The following TRPM3 variants were observed in gnomAD, a reference collection of about 807,000 sequenced individuals.
TRPM3 encodes long transient receptor potential channel 3.
TRPM3 carries 77 observed loss-of-function variants against 181.2 expected under a neutral mutation model. That is an observed-to-expected ratio of 0.42 (90% CI 0.35 to 0.51). The LOEUF (loss-of-function observed/expected upper bound fraction) is 0.51. Ranked by LOEUF, TRPM3 falls within the 20% of genes least tolerant of loss-of-function variation. TRPM3 has a pLI of 0.01. For missense variants in TRPM3, 1,759 were observed against 2,196.7 expected, an observed-to-expected ratio of 0.80 and a Z score of 3.98; for synonymous variants, 745 against 796.4, an observed-to-expected ratio of 0.94 and a Z score of 1.09.
At chr9:71,137,220 C>T (rs184998784) in intron 1 of TRPM3, among the ~76,000 whole-genome samples, 9 of 151,944 alleles carry the variant, frequency 5.9e-5, no homozygotes, top group East Asian at 3.9e-4. Context: ...CACACAAAAC[C>T]GACAAAGAAA....
At chr9:71,157,787 T>C (rs963597567) in intron 1 of TRPM3, among the ~76,000 whole-genome samples, 2 of 152,102 alleles carry the variant, frequency 1.3e-5, no homozygotes, top group South Asian at 2.1e-4. Context: ...ATAAAAGAAA[T>C]TGAGTTAAAG....
chr9:70,996,108 G>T (rs1056385444), intron 1 of TRPM3, among the ~76,000 whole-genome samples: 1 of 152,150 alleles, frequency 6.6e-6, no homozygotes, highest in Non-Finnish European at 1.5e-5. Context: ...GGTACTATGT[G>T]GTTGAAATAA....
chr9:71,328,421 C>T (rs1284831100), intron 1 of TRPM3, among the ~76,000 whole-genome samples: 1 of 152,194 alleles, frequency 6.6e-6, no homozygotes, highest in Non-Finnish European at 1.5e-5. Flanking sequence ...CCGCCTCGGC[C>T]TCCCAAAGTG....
At chr9:71,399,360 T>C (rs1392061271) in intron 1 of TRPM3, among the ~76,000 whole-genome samples, 1 of 152,018 alleles carries the variant, frequency 6.6e-6, no homozygotes, top group African/African-American at 2.4e-5. Context: ...AGAAATAAAC[T>C]ACATAGAAAA....
intron 1 of TRPM3, among the ~76,000 whole-genome samples, chr9:71,077,264 C>A (rs1196374415): frequency 6.7e-6 from 1 of 148,166 alleles, no homozygotes; most frequent in African/African-American, 2.4e-5. Flanking sequence ...AGAAGTACTT[C>A]TAGGTTTGGA....
At chr9:70,976,334 C>T (rs983955085) in intron 1 of TRPM3, among the ~76,000 whole-genome samples, 1 of 152,202 alleles carries the variant, frequency 6.6e-6, no homozygotes, top group Non-Finnish European at 1.5e-5. Flanking sequence ...CAGAAGGTCA[C>T]ACAGCTAGTG....
chr9:71,078,470 T>C (rs1215334182), intron 1 of TRPM3, among the ~76,000 whole-genome samples: 2 of 152,184 alleles, frequency 1.3e-5, no homozygotes, highest in Non-Finnish European at 2.9e-5. Flanking sequence ...TTATTGGTGA[T>C]GAGATGTTAA....
intron 1 of TRPM3, among the ~76,000 whole-genome samples, chr9:71,402,429 C>T (rs1049248614): frequency 6.6e-6 from 1 of 152,142 alleles, no homozygotes; most frequent in African/African-American, 2.4e-5. Flanking sequence ...AGTCTCCTCC[C>T]TACTCAGCTA....
intron 5 of TRPM3, among the ~76,000 whole-genome samples, chr9:70,834,450 C>T (rs763748694): frequency 6.6e-6 from 1 of 152,100 alleles, no homozygotes; most frequent in Non-Finnish European, 1.5e-5. Context: ...TAGAAATCAC[C>T]ATGTATGAGT....
At chr9:71,093,759 A>G (rs2066640542) in intron 1 of TRPM3, among the ~76,000 whole-genome samples, 2 of 152,188 alleles carry the variant, frequency 1.3e-5, no homozygotes, top group South Asian at 2.1e-4. Flanking sequence ...AGCATTATAA[A>G]TCATTCTACT....
At chr9:71,280,502 G>A (rs11142774) in intron 1 of TRPM3, among the ~76,000 whole-genome samples, 42,433 of 151,478 alleles carry the variant, frequency 0.28, 7,114 homozygotes, top group African/African-American at 0.47. Flanking sequence ...CAACAGCAAG[G>A]GGCCATCTCA....
chr9:70,615,869 A>G (rs1249425095), intron 18 of TRPM3, 39 bp downstream of exon 18: 1 of 1,563,066 alleles, frequency 6.4e-7, no homozygotes, highest in South Asian at 1.3e-5. Flanking sequence ...TGGATTAGGA[A>G]TTCTGCCCAT....
At chr9:70,809,888 A>T in intron 6 of TRPM3, 1 of 512,642 alleles carries the variant, frequency 2.0e-6, no homozygotes. Flanking sequence ...CATCTCTCTT[A>T]TGGGACAGTT....
intron 1 of TRPM3, among the ~76,000 whole-genome samples, chr9:71,369,076 A>T (rs1259958274): frequency 1.3e-5 from 2 of 152,152 alleles, no homozygotes; most frequent in Non-Finnish European, 2.9e-5. Flanking sequence ...GAGATCAATA[A>T]TCTTACTAGC....
chr9:71,103,631 T>C lies in TRPM3; in HGVS notation c.177+17547A>G, dbSNP rs187192293. ...TCACTCAAGGTGGTCTAAATATAACTGATTAAAGAAGTAAATGTGGATGGA... is the reference window on the plus strand; with the variant it reads ...TCACTCAAGGTGGTCTAAATATAACCGATTAAAGAAGTAAATGTGGATGGA... On this transcript the variant is annotated intron_variant, in intron 1 of 25. Transcript: ENST00000677713. Among the ~76,000 whole-genome samples the C allele has an allele frequency of 2.5e-3, 384 of 152,292 alleles. 1 individual carries two copies. Among genetic ancestry groups the C allele is most frequent in the Non-Finnish European group, 4.1e-3 (276 of 68,018 alleles).
chr9:71,433,298 AGTTACCCCCGTGCT>A (rs916172047), intron 1 of TRPM3, among the ~76,000 whole-genome samples: 5 of 152,318 alleles, frequency 3.3e-5, no homozygotes, highest in African/African-American at 9.6e-5. Flanking sequence ...TCATGTGGGC[AGTTACCCCCGTGCT>A]GTTCTTGTGA....
intron 1 of TRPM3, among the ~76,000 whole-genome samples, chr9:71,420,671 G>A (rs373307531): frequency 0.16 from 20,482 of 129,232 alleles, 2,486 homozygotes; most frequent in Non-Finnish European, 0.24. Flanking sequence ...GAGAAAGAAA[G>A]AGAGAAAGAA....
At chr9:70,596,840 C>T (rs1255188658) in intron 21 of TRPM3, among the ~76,000 whole-genome samples, 1 of 152,056 alleles carries the variant, frequency 6.6e-6, no homozygotes, top group Non-Finnish European at 1.5e-5. Context: ...AATACCTCAC[C>T]GCAGTCTTGA....
intron 6 of TRPM3, among the ~76,000 whole-genome samples, chr9:70,815,612 T>G (rs1452951337): frequency 1.3e-5 from 2 of 152,234 alleles, no homozygotes. Flanking sequence ...ACTTGTATTT[T>G]CTTTCCTATG....
Sources: allele counts gnomAD v4.1 joint callset (sites outside exome capture counted in the v4.1 genomes callset), GRCh38; gene constraint gnomAD v4.1.1; transcripts MANE v1.5; gene names NCBI Gene and HGNC (gene_info 2026-07-23, HGNC 2026-07-21).